The following ACACA variants were observed in gnomAD, a reference collection of about 807,000 sequenced individuals.
The protein encoded by ACACA is acetyl-CoA carboxylase alpha, also known as acetyl-CoA carboxylase 1.
In ACACA, 103 loss-of-function variants were observed where a neutral mutation model predicts 296.1. The observed-to-expected ratio is 0.35, with a 90% confidence interval of 0.30 to 0.41. ACACA has a LOEUF of 0.41. Among genes scored for constraint, ACACA ranks in the 10% least tolerant of loss-of-function variants. The pLI, the probability that ACACA is intolerant of heterozygous loss-of-function variation, is 1.00. For synonymous variants in ACACA, 953 were observed against 1,038.6 expected (o/e 0.92, Z 1.58); for missense variants, 1,554 against 2,989.7 (o/e 0.52, Z 11.20).
intron 1 of ACACA, chr17:37,379,423 A>G (rs1175421018): frequency 1.3e-6 from 2 of 1,591,464 alleles, no homozygotes; most frequent in Admixed American, 1.7e-5. Flanking sequence ...ACTAACTTTT[A>G]GTTGACATCC....
At chr17:37,185,988 T>G (rs1438458755) in intron 39 of ACACA, among the ~76,000 whole-genome samples, 1 of 152,210 alleles carries the variant, frequency 6.6e-6, no homozygotes, top group Non-Finnish European at 1.5e-5. Context: ...CAGCCTATAC[T>G]ACAAAGACTG....
At chr17:37,318,369 A>C (rs1439845190) in intron 3 of ACACA, among the ~76,000 whole-genome samples, 1 of 152,022 alleles carries the variant, frequency 6.6e-6, no homozygotes, top group Non-Finnish European at 1.5e-5. Context: ...CAGCCTCCCA[A>C]GTAGTTGGGA....
intron 3 of ACACA, among the ~76,000 whole-genome samples, chr17:37,326,810 C>A (rs1398330378): frequency 6.6e-6 from 1 of 150,966 alleles, no homozygotes; most frequent in Non-Finnish European, 1.5e-5. Context: ...GCCTGGGCGA[C>A]AGAGCGAGTC....
chr17:37,352,478 C>T (rs561747575), intron 1 of ACACA, among the ~76,000 whole-genome samples: 3 of 151,938 alleles, frequency 2.0e-5, no homozygotes, highest in South Asian at 2.1e-4. Flanking sequence ...TTTGGGAGCC[C>T]GAGGCAGGAA....
In ACACA at chr17:37,089,082, C is replaced by A; in HGVS notation, c.6892-8G>T. 6.2e-7 allele frequency: 1 copy of A among 1,614,204 alleles called. No individual in the cohort carries two copies. Among genetic ancestry groups the A allele is most frequent in the Non-Finnish European group, 8.5e-7 (1 of 1,180,034 alleles). On this transcript the variant is annotated splice_polypyrimidine_tract_variant and splice_region_variant and intron_variant, in intron 54 of 55. Coordinates refer to ENST00000616317, the MANE Select transcript of ACACA (RefSeq NM_198834.3). Reference sequence around the variant, plus strand: ...ATTGTCCCAAACATAAGCCTGCAAACAGATGACTCTTGGTCAAACACCAGG... The same window carrying A: ...ATTGTCCCAAACATAAGCCTGCAAAAAGATGACTCTTGGTCAAACACCAGG...
Position 37,240,556 on chromosome 17 carries a change from C to G in ACACA, c.3041G>C (p.Ser1014Thr), listed in dbSNP as rs757995857. Reference sequence around the variant, plus strand: ...AGCCTTCATGTGGCCTCGGATGCCACTTCGGTACCTAGGCAAATAGAAAGT... The same window carrying G: ...AGCCTTCATGTGGCCTCGGATGCCAGTTCGGTACCTAGGCAAATAGAAAGT... Reference protein sequence around the residue: ...SIVQLVQRYRSGIRGHMKAVV... With the variant: ...SIVQLVQRYRTGIRGHMKAVV... The change falls in exon 24 of 56, where the codon AGT (serine) becomes ACT (threonine). Residue 1014 changes from serine to threonine, a missense_variant. Transcript: ENST00000616317. The G allele has an allele frequency of 6.2e-7, 1 of 1,612,536 alleles. No homozygotes were observed. The highest frequency in any genetic ancestry group is 1.1e-5 in the South Asian group (1 of 90,942).
intron 42 of ACACA, among the ~76,000 whole-genome samples, chr17:37,160,575 A>G (rs2076419597): frequency 1.3e-5 from 2 of 152,174 alleles, no homozygotes; most frequent in African/African-American, 4.8e-5. Context: ...CAGTCAACAG[A>G]ACTGTTTTTT....
At chr17:37,156,286 A>G (rs924520576) in intron 42 of ACACA, among the ~76,000 whole-genome samples, 18 of 151,458 alleles carry the variant, frequency 1.2e-4, no homozygotes, top group Non-Finnish European at 2.7e-4. Context: ...GATGGTCTCA[A>G]TCTCCTGACC....
chr17:37,245,290 C>T, intron 19 of ACACA, 76 bp from the exon 20 acceptor site: 1 of 1,501,170 alleles, frequency 6.7e-7, no homozygotes. Context: ...TAAAATTTTT[C>T]CCTTAGCATC....
At position 37,093,559 on chromosome 17, in the gene ACACA, G is replaced by A. The variant is rs956335513; in HGVS notation, c.6891+3437C>T. Among the ~76,000 whole-genome samples the A allele has an allele frequency of 7.9e-5, 12 of 152,130 alleles. No homozygotes were observed. In the East Asian group the frequency reaches 9.7e-4, roughly 12 times the overall value. On this transcript the variant is annotated intron_variant, in intron 54 of 55. Coordinates refer to ENST00000616317, the MANE Select transcript of ACACA (RefSeq NM_198834.3). ...GTTGCCCAGGCTGGGGTGCAGTGGC[G>A]CCATCATAGCTCACTATAACCTCAA...
intron 52 of ACACA, among the ~76,000 whole-genome samples, chr17:37,101,668 A>T (rs574325363): frequency 6.6e-6 from 1 of 152,302 alleles, no homozygotes; most frequent in East Asian, 1.9e-4. Context: ...CTAAGTGATG[A>T]TGGTGGGCTC....
At chr17:37,276,788 TTCTCCATA>T (rs760010534) in intron 7 of ACACA, among the ~76,000 whole-genome samples, 14 of 152,084 alleles carry the variant, frequency 9.2e-5, no homozygotes, top group Non-Finnish European at 1.3e-4. Flanking sequence ...AACCAAAGCC[TTCTCCATA>T]TCTCCATATC....
intron 29 of ACACA, among the ~76,000 whole-genome samples, chr17:37,211,739 T>C (rs911006731): frequency 6.6e-6 from 1 of 152,166 alleles, no homozygotes; most frequent in Non-Finnish European, 1.5e-5. Context: ...AGCTGTGACA[T>C]ATCACTGCAC....
chr17:37,314,387 C>T (rs1373159249), intron 3 of ACACA, among the ~76,000 whole-genome samples: 2 of 152,160 alleles, frequency 1.3e-5, no homozygotes, highest in Non-Finnish European at 2.9e-5. Flanking sequence ...GCATGAGCCA[C>T]TGCGCCCGAC....
At chr17:37,283,468 AGAGAT>A (rs1261169869) in intron 4 of ACACA, 63 bp from the exon 5 acceptor site, 3 of 1,568,302 alleles carry the variant, frequency 1.9e-6, no homozygotes, top group Non-Finnish European at 2.6e-6. Context: ...ATGGAGGAAA[AGAGAT>A]GAGAGAATTT....
At chr17:37,111,147 T>A (rs1188681289) in intron 52 of ACACA, among the ~76,000 whole-genome samples, 3 of 152,000 alleles carry the variant, frequency 2.0e-5, no homozygotes, top group African/African-American at 7.2e-5. Context: ...TTCTATCCCA[T>A]CTCTCAGAAA....
intron 54 of ACACA, among the ~76,000 whole-genome samples, chr17:37,092,208 C>G (rs1385637205): frequency 6.6e-6 from 1 of 150,896 alleles, no homozygotes; most frequent in Non-Finnish European, 1.5e-5. Context: ...TCACATGAGC[C>G]CAGGAGGTTG....
chr17:37,174,014 A>ATTT (rs1184132097), intron 41 of ACACA, among the ~76,000 whole-genome samples: 22 of 14,000 alleles, frequency 1.6e-3, no homozygotes, highest in Admixed American at 6.0e-3. Flanking sequence ...ATATATATAT[A>ATTT]TATATATTTT....
At chr17:37,197,099 A>T (rs1478058768) in intron 35 of ACACA, among the ~76,000 whole-genome samples, 2 of 152,216 alleles carry the variant, frequency 1.3e-5, no homozygotes, top group African/African-American at 4.8e-5. Flanking sequence ...TGCAGTGTCA[A>T]CGGACTAGGG....
Sources: allele counts gnomAD v4.1 joint callset (sites outside exome capture counted in the v4.1 genomes callset), GRCh38; gene constraint gnomAD v4.1.1; transcripts MANE v1.5; gene names NCBI Gene and HGNC (gene_info 2026-07-23, HGNC 2026-07-21).